Variants in USP6 observed in about 807,000 individuals in gnomAD.
The protein encoded by USP6 is ubiquitin specific peptidase 6.
USP6 carries 128 observed loss-of-function variants against 175.7 expected under a neutral mutation model. The observed-to-expected ratio is 0.73, with a 90% CI of 0.63 to 0.84. The LOEUF is 0.84. Among genes scored for constraint, USP6 ranks in the 40% least tolerant of loss-of-function variants. USP6 has a pLI of 0.00. For missense variants in USP6, 1,498 were observed against 1,760.3 expected (o/e 0.85, Z 2.67); for synonymous variants, 562 against 630.6 (o/e 0.89, Z 1.63).
intron 8 of USP6, 68 bp downstream of exon 8, chr17:5,129,201 C>T (rs532584117): frequency 1.3e-5 from 2 of 152,386 alleles, no homozygotes; most frequent in Non-Finnish European, 2.9e-5. Context: ...GGGTTTTGCT[C>T]TCAGCCCTGC....
At chr17:5,155,726 G>A (rs2073869582) in intron 31 of USP6, 120 bp downstream of exon 31, 2 of 851,592 alleles carry the variant, frequency 2.3e-6, no homozygotes, top group Non-Finnish European at 3.2e-6. Context: ...GCCAAAATAA[G>A]TTATTTAAAT....
In USP6 at chr17:5,167,968, C is replaced by T. The variant is rs201141166; in HGVS notation, c.3073C>T (p.Arg1025Ter). ...GCATGAGAGTGTGGAGCAGAGTCGG[C>T]GAGCGCAAGCCGAGCCCATCAACCT... The part of the protein sequence containing the change: ...DKHESVEQSR[R>*]AQAEPINLDS... Residue 1025 changes from arginine (R) to a stop codon, truncating the protein, a stop_gained, in exon 34 of 38, where the codon CGA becomes TGA. Transcript: ENST00000574788. LOFTEE classifies it high-confidence loss of function. 19 of 1,611,724 alleles carry T rather than the reference C, an allele frequency of 1.2e-5. No individual in the cohort carries two copies. The highest frequency in any genetic ancestry group is 1.7e-5 in the Admixed American group (1 of 59,982).
chr17:5,145,724 A>G, intron 27 of USP6, 145 bp downstream of exon 27: 1 of 1,237,124 alleles, frequency 8.1e-7, no homozygotes, highest in Non-Finnish European at 1.1e-6. Context: ...TTTAGGCATG[A>G]CTTGAGGTTT....
At chr17:5,156,051 T>C (rs1252899628) in intron 31 of USP6, among the ~76,000 whole-genome samples, 2 of 152,236 alleles carry the variant, frequency 1.3e-5, no homozygotes, top group Non-Finnish European at 2.9e-5. Context: ...CTGAAAAGTC[T>C]CATGATACAA....
chr17:5,130,401 G>C lies in USP6; in HGVS notation c.34G>C (p.Ala12Pro). The C allele has an allele frequency of 6.2e-7, 1 of 1,614,128 alleles. No individual in the cohort carries two copies. Among genetic ancestry groups the C allele is most frequent in the Non-Finnish European group, 8.5e-7 (1 of 1,180,022 alleles). ...DMVENADSLQ[A>P]QERKDILMKY... ...GGTAGAGAATGCAGATAGTTTGCAGGCACAGGAGCGGAAGGACATACTTAT... is the reference window on the plus strand; with the variant it reads ...GGTAGAGAATGCAGATAGTTTGCAGCCACAGGAGCGGAAGGACATACTTAT... The change falls in exon 10 of 38, where the codon GCA (alanine) becomes CCA (proline). Residue 12 changes from alanine (A) to proline (P), a missense_variant. Ala to Pro is a conservative substitution (Grantham distance 27). Transcript: ENST00000574788.
At chr17:5,155,377 C>T in intron 30 of USP6, 45 bp from the exon 31 acceptor site, 1 of 1,601,086 alleles carries the variant, frequency 6.2e-7, no homozygotes, top group Non-Finnish European at 8.5e-7. Context: ...AGGGAGGAAT[C>T]AGAGGCCTGT....
Position 5,122,575 on chromosome 17 carries a change from CCCCTCCCCAG to C in USP6, c.-1299+829_-1299+838del, listed in dbSNP as rs1157326425. On this transcript the variant is annotated intron_variant, in intron 4 of 37. Transcript: ENST00000574788. ...GGCCGAACCGGCCCCAGCCCTGGGC[CCCCTCCCCAG>C]CCCAACCCAGCCCCGACCCTCCGCT... 7.9e-5 allele frequency among the ~76,000 whole-genome samples: 12 copies of C among 152,348 alleles called. No individual in the cohort carries two copies. The East Asian group carries it at 2.3e-3, about 29-fold the overall frequency.
At chr17:5,142,366 T>C in intron 24 of USP6, 31 bp from the exon 25 acceptor site, 4 of 1,599,110 alleles carry the variant, frequency 2.5e-6, no homozygotes, top group Non-Finnish European at 3.4e-6. Context: ...ATGAGAATCT[T>C]TGGCAACAAA....
intron 30 of USP6, among the ~76,000 whole-genome samples, chr17:5,151,491 C>T (rs1245112073): frequency 6.6e-6 from 1 of 151,640 alleles, no homozygotes; most frequent in Non-Finnish European, 1.5e-5. Context: ...TAAGCTGATT[C>T]TCATATGTGG....
rs1332170891 is a variant in USP6 at position 5,138,279 on chromosome 17, C to G, written c.1078+6C>G. On this transcript the variant is annotated splice_donor_region_variant and intron_variant, in intron 21 of 37. Coordinates refer to ENST00000574788, the MANE Select transcript of USP6 (RefSeq NM_001304284.2). The stretch of plus-strand genomic sequence containing the variant: ...AGGGGACCTGCCACCCCCAGGTGGG[C>G]TCCAGTGCCATGTCCCCTCCCATGT... 1.9e-6 allele frequency: 3 copies of G among 1,613,030 alleles called. No individual in the cohort carries two copies. Among genetic ancestry groups the G allele is most frequent in the Non-Finnish European group, 1.7e-6 (2 of 1,179,886 alleles).
At chr17:5,117,258 C>G (rs2072558508) in intron 1 of USP6, among the ~76,000 whole-genome samples, 1 of 152,224 alleles carries the variant, frequency 6.6e-6, no homozygotes, top group Non-Finnish European at 1.5e-5. Context: ...GGGCTCAAGC[C>G]TCTAATCCCA....
intron 19 of USP6, 55 bp downstream of exon 19, chr17:5,137,241 G>C: frequency 6.3e-7 from 1 of 1,597,282 alleles, no homozygotes; most frequent in East Asian, 2.2e-5. Flanking sequence ...CTGCAGTGCC[G>C]TGCTTCCCCA....
At chr17:5,146,302 CA>C in intron 28 of USP6, 128 bp downstream of exon 28, 1 of 1,331,908 alleles carries the variant, frequency 7.5e-7, no homozygotes, top group Non-Finnish European at 1.0e-6. Flanking sequence ...AACTGAACAA[CA>C]ACAAAAAATG....
intron 35 of USP6, among the ~76,000 whole-genome samples, chr17:5,169,606 T>G (rs2074170085): frequency 1.3e-5 from 2 of 152,108 alleles, no homozygotes; most frequent in Admixed American, 1.3e-4. Flanking sequence ...TGCACCTGGC[T>G]AATTTTTGTA....
rs548193164 is a variant in USP6 at position 5,147,228 on chromosome 17, C to A, written c.2431+34C>A. ...GAACTAGAACTCCTTCTCATGACTG[C>A]ACCTTTAAATATTTGTCTAAGAGTT... On this transcript the variant is annotated intron_variant, in intron 29 of 37. Transcript: ENST00000574788. The A allele has an allele frequency of 8.3e-6, 13 of 1,562,876 alleles. 1 individual carries two copies. In the Admixed American group the frequency reaches 1.2e-4, roughly 15 times the overall value.
chr17:5,119,533 G>T (rs1263057211), intron 2 of USP6, among the ~76,000 whole-genome samples: 4 of 152,166 alleles, frequency 2.6e-5, no homozygotes, highest in Admixed American at 2.6e-4. Context: ...CCTGGGCTGG[G>T]CCATGCTTCC....
Position 5,119,504 on chromosome 17 carries a change from G to C in USP6, c.-1836-1123G>C, listed in dbSNP as rs1218898972. 3.9e-5 allele frequency among the ~76,000 whole-genome samples: 6 copies of C among 152,336 alleles called. No homozygotes were observed. In the East Asian group the frequency reaches 1.2e-3, roughly 29 times the overall value. On this transcript the variant is annotated intron_variant, in intron 2 of 37. Coordinates refer to ENST00000574788, the MANE Select transcript of USP6 (RefSeq NM_001304284.2). ...CAGAAATTCACCTGGAAGCAAGCGA[G>C]GCTGGGGCCCAGAAACCCCCTGGGC...
In USP6 at chr17:5,135,879, A is replaced by C; in HGVS notation, c.615A>C (p.Ala205=). ...TCCTTTATCTGCCTGAGGAGGACGC[A>C]TTCTGGGCACTGGTGCAGCTGCTGG... ...LFLLYLPEED[A]FWALVQLLAS... The change falls in exon 17 of 38, where the codon GCA becomes GCC. Residue 205 remains alanine, a synonymous_variant. Transcript: ENST00000574788. The C allele has an allele frequency of 6.3e-7, 1 of 1,599,462 alleles. No homozygotes were observed. The highest frequency in any genetic ancestry group is 8.5e-7 in the Non-Finnish European group (1 of 1,179,804).
intron 33 of USP6, among the ~76,000 whole-genome samples, chr17:5,166,023 T>C (rs1229692968): frequency 1.3e-5 from 2 of 152,190 alleles, no homozygotes; most frequent in Non-Finnish European, 2.9e-5. Flanking sequence ...GTAGAGATAA[T>C]AGAGATAATG....
Sources: gnomAD v4.1 joint callset for allele counts (sites outside exome capture counted in the v4.1 genomes callset) on GRCh38, gnomAD v4.1.1 for gene constraint, MANE v1.5 for transcripts, NCBI Gene and HGNC (gene_info 2026-07-23, HGNC 2026-07-21) for gene names.